The following MSMO1 variants were observed in gnomAD, a reference collection of about 807,000 sequenced individuals.
MSMO1 encodes C-4 methylsterol oxidase.
A neutral mutation model predicts 30.4 loss-of-function variants in MSMO1; 18 were observed. That is an observed-to-expected ratio of 0.59 (90% CI 0.41 to 0.88). The LOEUF (loss-of-function observed/expected upper bound fraction) is 0.88. MSMO1 is among the 40% of genes least tolerant of loss of function. The probability of loss-of-function intolerance (pLI) is 0.00; values close to 1 mark genes in which losing one functional copy is unlikely to be tolerated. For missense variants in MSMO1, 284 were observed against 340.5 expected (o/e 0.83, Z 1.31); for synonymous variants, 84 against 107.9 (o/e 0.78, Z 1.37).
In MSMO1 at chr4:165,342,625, G is replaced by A. The variant is rs1459895913; in HGVS notation, c.*679G>A. 6.6e-6 allele frequency: 1 copy of A among 152,252 alleles called. No individual in the cohort carries two copies. Among genetic ancestry groups the A allele is most frequent in the Non-Finnish European group, 1.5e-5 (1 of 68,136 alleles). 9.4% of individuals were successfully genotyped at this position (152,252 alleles called of 1,614,324 possible). ...GCCCACCTTGGCCTCCCAAAGTGCT[G>A]GGATTACAGGTGTAAGCCACTGCGC... On this transcript the variant is annotated 3_prime_UTR_variant, in exon 6 of 6. Transcript: ENST00000261507.
chr4:165,333,247 C>A (rs1187108163), intron 1 of MSMO1, 93 bp from the exon 2 acceptor site: 2 of 1,059,774 alleles, frequency 1.9e-6, no homozygotes, highest in African/African-American at 1.6e-5. Context: ...TAGTAATTAT[C>A]ATTTTTAAAA....
At chr4:165,338,271 A>G (rs1747613216) in intron 3 of MSMO1, among the ~76,000 whole-genome samples, 1 of 150,118 alleles carries the variant, frequency 6.7e-6, no homozygotes, top group Admixed American at 6.7e-5. Context: ...TGAGGTTTAT[A>G]GAAATTGTGT....
intron 1 of MSMO1, among the ~76,000 whole-genome samples, chr4:165,329,523 G>A (rs757490305): frequency 5.3e-5 from 8 of 149,888 alleles, no homozygotes; most frequent in African/African-American, 2.0e-4. Context: ...AAGGAAAGGC[G>A]GTATTTCAAG....
chr4:165,339,674 A>G (rs1364318967), intron 4 of MSMO1, among the ~76,000 whole-genome samples: 6 of 152,344 alleles, frequency 3.9e-5, no homozygotes, highest in African/African-American at 1.2e-4. Context: ...TGACTAGATA[A>G]ATCATCACTA....
intron 2 of MSMO1, among the ~76,000 whole-genome samples, chr4:165,333,899 G>A (rs1325697556): frequency 1.3e-5 from 2 of 152,180 alleles, no homozygotes; most frequent in Non-Finnish European, 2.9e-5. Context: ...GGAGGCCAAG[G>A]CAGGAGGATT....
At chr4:165,334,788 G>A (rs17488534) in intron 2 of MSMO1, among the ~76,000 whole-genome samples, 58,762 of 151,940 alleles carry the variant, frequency 0.39, 12,246 homozygotes, top group African/African-American at 0.48. Flanking sequence ...CTAAAACTCA[G>A]GGGCACACAG....
At chr4:165,330,457 C>T (rs1747359427) in intron 1 of MSMO1, among the ~76,000 whole-genome samples, 1 of 151,952 alleles carries the variant, frequency 6.6e-6, no homozygotes, top group East Asian at 1.9e-4. Context: ...GGAAGACCTA[C>T]TGTTTTAATT....
intron 2 of MSMO1, 53 bp from the exon 3 acceptor site, chr4:165,337,736 G>T: frequency 6.3e-7 from 1 of 1,582,994 alleles, no homozygotes; most frequent in South Asian, 1.1e-5. Flanking sequence ...ATTAGGTCAA[G>T]TTAAACTCTG....
chr4:165,334,210 C>G (rs1260592792), intron 2 of MSMO1, among the ~76,000 whole-genome samples: 1 of 152,180 alleles, frequency 6.6e-6, no homozygotes, highest in Non-Finnish European at 1.5e-5. Context: ...TAGTCTATCT[C>G]AATTTAGACT....
At chr4:165,335,335 G>A (rs1214760252) in intron 2 of MSMO1, among the ~76,000 whole-genome samples, 1 of 152,022 alleles carries the variant, frequency 6.6e-6, no homozygotes, top group Admixed American at 6.6e-5. Context: ...GTGGACTCCA[G>A]GCCAAAGGAG....
At position 165,334,249 on chromosome 4, in the gene MSMO1, A is replaced by G. The variant is rs191102887; in HGVS notation, c.255+624A>G. On this transcript the variant is annotated intron_variant, in intron 2 of 5. Coordinates refer to ENST00000261507, the MANE Select transcript of MSMO1 (RefSeq NM_006745.5). Reference sequence around the variant, plus strand: ...CATGTTTAAAGTGTTTGGAAGCCACATGTTACTAGTTGCTCCTGAATTGAG... The same window carrying G: ...CATGTTTAAAGTGTTTGGAAGCCACGTGTTACTAGTTGCTCCTGAATTGAG... Among the ~76,000 whole-genome samples the G allele has an allele frequency of 2.0e-5, 3 of 152,356 alleles. No individual in the cohort carries two copies. In the East Asian group the frequency reaches 5.8e-4, roughly 29 times the overall value.
chr4:165,338,398 G>A (rs1402635517), intron 3 of MSMO1, among the ~76,000 whole-genome samples: 1 of 151,530 alleles, frequency 6.6e-6, no homozygotes, highest in African/African-American at 2.4e-5. Flanking sequence ...CTTGAGAAAA[G>A]TGTCATGAGG....
In MSMO1 at chr4:165,333,625, G is replaced by T; in HGVS notation, c.255G>T (p.Lys85Asn). 1.3e-6 allele frequency: 2 copies of T among 1,587,450 alleles called. No individual in the cohort carries two copies. The highest frequency in any genetic ancestry group is 1.4e-5 in the African/African-American group (1 of 73,586). ...ATATGAAAAAATACAAAATTCAAAA[G>T]GTGAGTATAAGGGACTAGAAATAGA... is the stretch of plus-strand genomic sequence containing the variant. Reference protein sequence around the residue: ...IPYMKKYKIQKDKPETWENQW... With the variant: ...IPYMKKYKIQNDKPETWENQW... The change falls in exon 2 of 6, where the codon AAG becomes AAT. Residue 85 changes from lysine to asparagine, a missense_variant and splice_region_variant. Physicochemically the swap from Lys to Asn is moderately conservative, Grantham distance 94 (BLOSUM62 0). Transcript: ENST00000261507.
In MSMO1 at chr4:165,332,945, G is replaced by C. The variant is rs1401823536; in HGVS notation, c.-31-395G>C. Among the ~76,000 whole-genome samples the C allele has an allele frequency of 2.6e-5, 4 of 151,886 alleles. No individual in the cohort carries two copies. In the East Asian group the frequency reaches 7.7e-4, roughly 29 times the overall value. On this transcript the variant is annotated intron_variant, in intron 1 of 5. Transcript: ENST00000261507. Reference sequence around the variant, plus strand: ...ACTTAATTTTTATATACTCATATTTGGCAGGCTTTTTCTTTATAGGTTCTT... The same window carrying C: ...ACTTAATTTTTATATACTCATATTTCGCAGGCTTTTTCTTTATAGGTTCTT...
In MSMO1 at chr4:165,335,076, C is replaced by T. The variant is rs994701384; in HGVS notation, c.255+1451C>T. On this transcript the variant is annotated intron_variant, in intron 2 of 5. Coordinates refer to ENST00000261507, the MANE Select transcript of MSMO1 (RefSeq NM_006745.5). The stretch of plus-strand genomic sequence containing the variant: ...ATGATTTAAAGTATACGAGAGGATT[C>T]GTGTAGGTTATGTCAAATACTATGT... Among the ~76,000 whole-genome samples, 29 of 152,192 alleles carry T rather than the reference C, an allele frequency of 1.9e-4. No homozygotes were observed. The Middle Eastern group carries it at 0.014, about 71-fold the overall frequency.
At position 165,327,698 on chromosome 4, in the gene MSMO1, T is replaced by G. The variant is rs1747274394; in HGVS notation, c.-98T>G. The G allele has an allele frequency of 6.6e-6, 1 of 152,258 alleles. No individual in the cohort carries two copies. The highest frequency in any genetic ancestry group is 1.5e-5 in the Non-Finnish European group (1 of 68,136). 9.4% of individuals were successfully genotyped at this position (152,258 alleles called of 1,614,324 possible). A position where few individuals can be genotyped will look rare whatever the true frequency, so the allele number is the denominator to read the frequency against. ...CCACCCCCAAGCCAGGCGAGGCAGG[T>G]TCCGAGGTTGGAACACCTGGCGAGT... On this transcript the variant is annotated 5_prime_UTR_variant, in exon 1 of 6. Coordinates refer to ENST00000261507, the MANE Select transcript of MSMO1 (RefSeq NM_006745.5).
At chr4:165,331,252 C>T (rs1747380137) in intron 1 of MSMO1, among the ~76,000 whole-genome samples, 1 of 150,628 alleles carries the variant, frequency 6.6e-6, no homozygotes, top group Non-Finnish European at 1.5e-5. Context: ...TGCAATGAGC[C>T]ATAATTGTGC....
At chr4:165,331,933 G>T (rs887880795) in intron 1 of MSMO1, among the ~76,000 whole-genome samples, 2 of 147,640 alleles carry the variant, frequency 1.4e-5, no homozygotes, top group Non-Finnish European at 2.9e-5. Flanking sequence ...ACCCCGCCGC[G>T]CTCTGTCTTC....
intron 5 of MSMO1, among the ~76,000 whole-genome samples, chr4:165,340,851 T>C (rs1475547493): frequency 6.6e-6 from 1 of 152,206 alleles, no homozygotes; most frequent in Non-Finnish European, 1.5e-5. Flanking sequence ...TAAATGCTTA[T>C]CCTAATTGTT....
Sources: gnomAD v4.1 joint callset for allele counts (sites outside exome capture counted in the v4.1 genomes callset) on GRCh38, gnomAD v4.1.1 for gene constraint, MANE v1.5 for transcripts, NCBI Gene and HGNC (gene_info 2026-07-23, HGNC 2026-07-21) for gene names.